Variants in CSTPP1 observed in about 807,000 individuals in gnomAD.
CSTPP1 encodes centriolar satellite-associated tubulin polyglutamylase complex regulator 1, also known as UPF0705 protein C11orf49.
chr11:47,113,721 G>C, the CSTPP1 span, among the ~76,000 whole-genome samples: 1 of 151,786 alleles, frequency 6.6e-6, no homozygotes, highest in Non-Finnish European at 1.5e-5. Flanking sequence ...AAATTTGTTT[G>C]AGTTCTTTGT....
chr11:47,101,197 T>TTTTTTTG, the CSTPP1 span, among the ~76,000 whole-genome samples: 1 of 136,820 alleles, frequency 7.3e-6, no homozygotes, highest in Non-Finnish European at 1.6e-5. Flanking sequence ...TTTATTTTAT[T>TTTTTTTG]TTTAGTAGAG....
the CSTPP1 span, among the ~76,000 whole-genome samples, chr11:47,138,345 G>A: frequency 1.3e-5 from 2 of 152,114 alleles, no homozygotes; most frequent in African/African-American, 4.8e-5. Flanking sequence ...CTTCCACCAG[G>A]TCTCCCTCTC....
At chr11:46,987,167 T>C in the CSTPP1 span, 27 of 1,585,900 alleles carry the variant, frequency 1.7e-5, no homozygotes, top group South Asian at 2.9e-4. Context: ...TTTTAAAATC[T>C]TTCTCTCATT....
chr11:46,950,874 G>A, the CSTPP1 span, among the ~76,000 whole-genome samples: 7 of 152,072 alleles, frequency 4.6e-5, no homozygotes, highest in East Asian at 1.2e-3. Flanking sequence ...TGAGCCACCC[G>A]CCTCAGCCTC....
the CSTPP1 span, among the ~76,000 whole-genome samples, chr11:47,095,983 T>C: frequency 6.6e-6 from 1 of 152,126 alleles, no homozygotes; most frequent in Non-Finnish European, 1.5e-5. Context: ...TATCTCCTGT[T>C]ACAGAGATAG....
chr11:47,119,769 G>A, the CSTPP1 span, among the ~76,000 whole-genome samples: 7 of 151,816 alleles, frequency 4.6e-5, no homozygotes, highest in African/African-American at 1.4e-4. Flanking sequence ...GCACCACCAC[G>A]CCCAGCTAAT....
the CSTPP1 span, among the ~76,000 whole-genome samples, chr11:46,972,029 A>C: frequency 6.6e-6 from 1 of 152,184 alleles, no homozygotes; most frequent in South Asian, 2.1e-4. Context: ...TTAAAAGTAA[A>C]GTTTCTTTTA....
At chr11:47,085,464 A>C in the CSTPP1 span, among the ~76,000 whole-genome samples, 1 of 152,166 alleles carries the variant, frequency 6.6e-6, no homozygotes, top group African/African-American at 2.4e-5. Flanking sequence ...TCTGTCAAAG[A>C]GGATACTCTT....
At chr11:47,075,250 T>C in the CSTPP1 span, among the ~76,000 whole-genome samples, 21 of 148,584 alleles carry the variant, frequency 1.4e-4, no homozygotes, top group African/African-American at 5.0e-4. Flanking sequence ...CAGATGTCTG[T>C]AGTCCCAGCT....
the CSTPP1 span, among the ~76,000 whole-genome samples, chr11:46,978,511 G>A: frequency 2.0e-5 from 3 of 152,226 alleles, no homozygotes; most frequent in Non-Finnish European, 4.4e-5. Flanking sequence ...TAGATGATAT[G>A]TTAAGTGTTA....
At chr11:47,085,272 A>G in the CSTPP1 span, among the ~76,000 whole-genome samples, 290 of 152,310 alleles carry the variant, frequency 1.9e-3, 2 homozygotes, top group African/African-American at 6.5e-3. Context: ...GTATAGATAT[A>G]CCTACTCTAG....
At chr11:46,936,827 G>C in the CSTPP1 span, 2 of 1,605,646 alleles carry the variant, frequency 1.2e-6, no homozygotes, top group Non-Finnish European at 1.7e-6. Context: ...GGAGCGCCTA[G>C]CCCTACCGGA....
chr11:47,046,820 C>G, the CSTPP1 span, among the ~76,000 whole-genome samples: 1 of 151,212 alleles, frequency 6.6e-6, no homozygotes, highest in African/African-American at 2.4e-5. Context: ...CATCCACCAC[C>G]ATGCCCGACT....
the CSTPP1 span, among the ~76,000 whole-genome samples, chr11:47,163,242 A>G: frequency 7.9e-5 from 12 of 151,366 alleles, no homozygotes; most frequent in East Asian, 2.0e-4. Flanking sequence ...TGCACAGCCC[A>G]TAAGAGACAT....
At chr11:47,045,494 C>T in the CSTPP1 span, among the ~76,000 whole-genome samples, 1 of 152,060 alleles carries the variant, frequency 6.6e-6, no homozygotes, top group African/African-American at 2.4e-5. Context: ...TGTTTGAATC[C>T]ATGGGGTGCT....
the CSTPP1 span, among the ~76,000 whole-genome samples, chr11:47,013,115 CATAT>C: frequency 7.0e-6 from 1 of 141,942 alleles, no homozygotes; most frequent in Non-Finnish European, 1.5e-5. Context: ...ATATAAATAA[CATAT>C]ATAATCATAT....
the CSTPP1 span, among the ~76,000 whole-genome samples, chr11:47,075,087 T>G: frequency 6.6e-6 from 1 of 152,214 alleles, no homozygotes; most frequent in Non-Finnish European, 1.5e-5. Context: ...AAAATTGTAA[T>G]ACGTCAGGTG....
At chr11:47,041,739 C>T in the CSTPP1 span, 1 of 532,166 alleles carries the variant, frequency 1.9e-6, no homozygotes, top group East Asian at 3.1e-5. Flanking sequence ...TGGTAGGCAC[C>T]TTTGAGAACT....
At chr11:47,159,561 G>A in the CSTPP1 span, 1 of 451,822 alleles carries the variant, frequency 2.2e-6, no homozygotes, top group African/African-American at 2.0e-5. Flanking sequence ...AGAGTAAGGG[G>A]GAGGCGGGTG....
Sources: gnomAD v4.1 joint callset for allele counts (sites outside exome capture counted in the v4.1 genomes callset) on GRCh38, gnomAD v4.1.1 for gene constraint, MANE v1.5 for transcripts, NCBI Gene and HGNC (gene_info 2026-07-23, HGNC 2026-07-21) for gene names.